Variants in NPTN observed in about 807,000 individuals in gnomAD.
The protein encoded by NPTN is SDR-1.
Under a neutral mutation model 42.7 loss-of-function variants are expected in NPTN, and 5 were observed. That is an observed-to-expected ratio of 0.12 (90% CI 0.06 to 0.25). The LOEUF (loss-of-function observed/expected upper bound fraction) is 0.25. Among genes scored for constraint, NPTN ranks in the 10% least tolerant of loss-of-function variants. The pLI is 1.00. For missense variants in NPTN, 307 were observed against 525.4 expected (o/e 0.58, Z 4.06); for synonymous variants, 180 against 201.9 (o/e 0.89, Z 0.92).
chr15:73,599,825 G>A (rs1229981585), intron 1 of NPTN, among the ~76,000 whole-genome samples: 1 of 152,076 alleles, frequency 6.6e-6, no homozygotes, highest in African/African-American at 2.4e-5. Flanking sequence ...CATTATCTGT[G>A]AACTTGGGGA....
At chr15:73,586,333 A>G (rs1896318123) in intron 4 of NPTN, among the ~76,000 whole-genome samples, 1 of 152,240 alleles carries the variant, frequency 6.6e-6, no homozygotes, top group Non-Finnish European at 1.5e-5. Flanking sequence ...GCATTCTTCT[A>G]AAATGGGTAG....
intron 4 of NPTN, among the ~76,000 whole-genome samples, chr15:73,580,325 G>A (rs895928222): frequency 2.0e-5 from 3 of 148,558 alleles, no homozygotes; most frequent in African/African-American, 5.0e-5. Context: ...CATGGCACAA[G>A]TATACCTATG....
chr15:73,583,229 C>A (rs1202742263), intron 4 of NPTN, among the ~76,000 whole-genome samples: 1 of 152,176 alleles, frequency 6.6e-6, no homozygotes, highest in African/African-American at 2.4e-5. Context: ...TGTTTAATGG[C>A]AGGACCACGA....
At chr15:73,630,986 A>C (rs1898707406) in intron 1 of NPTN, among the ~76,000 whole-genome samples, 1 of 152,238 alleles carries the variant, frequency 6.6e-6, no homozygotes, top group African/African-American at 2.4e-5. Context: ...GCTTCATTTC[A>C]TCGGTCATGT....
rs767522091 is a variant in NPTN, at chr15:73,633,211, G to A, written c.5C>T (p.Ser2Leu). M[S>L]GSSLPSALAL... ...CAGGGCGCTGGGCAGCGACGAACCC[G>A]ACATCCTCCCTAGCAGAAGACCCAA... The change falls in exon 1 of 9, where the codon TCG becomes TTG. Residue 2 changes from serine (S) to leucine (L), a missense_variant. Physicochemically the swap from Ser to Leu is moderately radical, Grantham distance 145. This residue lies in a region of NPTN where 43 missense variants were observed against 34.3 expected (regional missense o/e 1.25). Transcript: ENST00000345330. 3.3e-6 allele frequency: 5 copies of A among 1,521,378 alleles called. No individual in the cohort carries two copies. The highest frequency in any genetic ancestry group is 5.5e-5 in the East Asian group (2 of 36,480). The allele number at this position is 1,521,378 out of a possible 1,614,324, so 94.2% of individuals were successfully genotyped here. A position where few individuals can be genotyped will look rare whatever the true frequency, so the allele number is the denominator to read the frequency against.
At chr15:73,587,429 G>T in intron 4 of NPTN, 95 bp downstream of exon 4, 1 of 860,008 alleles carries the variant, frequency 1.2e-6, no homozygotes, top group Non-Finnish European at 1.9e-6. Context: ...TCTCGACATG[G>T]AAAGAAGAGG....
chr15:73,582,635 G>A (rs1190055881), intron 4 of NPTN, among the ~76,000 whole-genome samples: 3 of 152,146 alleles, frequency 2.0e-5, no homozygotes, highest in Non-Finnish European at 4.4e-5. Flanking sequence ...CCGAGCCACA[G>A]TTCATATGAA....
intron 1 of NPTN, among the ~76,000 whole-genome samples, chr15:73,601,283 CA>C (rs572106691): frequency 0.01 from 1,542 of 151,540 alleles, 31 homozygotes; most frequent in African/African-American, 0.036. Context: ...GAACACTCAT[CA>C]AAAACCATGA....
Position 73,560,999 on chromosome 15 carries a change from C to T in NPTN, c.*64G>A, listed in dbSNP as rs1894626692. The T allele has an allele frequency of 6.6e-6, 1 of 152,598 alleles. No individual in the cohort carries two copies. The highest frequency in any genetic ancestry group is 1.5e-5 in the Non-Finnish European group (1 of 68,046). 9.5% of individuals were successfully genotyped at this position (152,598 alleles called of 1,614,324 possible). A position where few individuals can be genotyped will look rare whatever the true frequency, so the allele number is the denominator to read the frequency against. On this transcript the variant is annotated 3_prime_UTR_variant, in exon 9 of 9. Transcript: ENST00000345330. ...GGGGAGAGAACCAAAGAGGTCCAAG[C>T]AGAAAATTTTAGCAGGTCATGTTGC...
chr15:73,560,043 A>C lies in NPTN; in HGVS notation c.*1020T>G, dbSNP rs2141341935. 1.1e-6 allele frequency: 1 copy of C among 897,520 alleles called. No individual in the cohort carries two copies. Among genetic ancestry groups the C allele is most frequent in the East Asian group, 3.1e-5 (1 of 32,122 alleles). 55.6% of individuals were successfully genotyped at this position (897,520 alleles called of 1,614,324 possible). ...TTTTATCAATGTTTTATTTTTAAAA[A>C]CAGGTGAATCCACTTTTTTATACAT... On this transcript the variant is annotated 3_prime_UTR_variant, in exon 9 of 9. Transcript: ENST00000345330.
chr15:73,562,391 T>C (rs2141345518), intron 7 of NPTN, among the ~76,000 whole-genome samples: 1 of 152,344 alleles, frequency 6.6e-6, no homozygotes, highest in South Asian at 2.1e-4. Flanking sequence ...CATTTTATCC[T>C]CCTTTTGACC....
chr15:73,580,577 G>A (rs1895985092), intron 4 of NPTN, among the ~76,000 whole-genome samples: 1 of 118,616 alleles, frequency 8.4e-6, no homozygotes, highest in African/African-American at 3.3e-5. Flanking sequence ...TGTTATATAT[G>A]TATATACATG....
chr15:73,632,916 C>A (rs909789897), intron 1 of NPTN: 1 of 417,632 alleles, frequency 2.4e-6, no homozygotes, highest in Non-Finnish European at 4.2e-6. Context: ...TCACCCCGGA[C>A]GCCCCCGCCG....
chr15:73,587,943 C>CAATATATCTG (rs1212075836), intron 3 of NPTN, among the ~76,000 whole-genome samples: 1 of 152,086 alleles, frequency 6.6e-6, no homozygotes, highest in Non-Finnish European at 1.5e-5. Context: ...TTCAGATATA[C>CAATATATCTG]AATATAAAAC....
intron 6 of NPTN, chr15:73,568,332 A>C: frequency 1.0e-6 from 1 of 985,464 alleles, no homozygotes; most frequent in East Asian, 1.1e-4. Flanking sequence ...TCAGGTTCTG[A>C]AGTCCATCTC....
intron 1 of NPTN, among the ~76,000 whole-genome samples, chr15:73,616,982 T>G (rs927419763): frequency 6.6e-6 from 1 of 152,210 alleles, no homozygotes; most frequent in African/African-American, 2.4e-5. Context: ...AGTAGGCCAA[T>G]TTCAATATCA....
At chr15:73,591,840 G>T in intron 3 of NPTN, 126 bp downstream of exon 3, 1 of 833,836 alleles carries the variant, frequency 1.2e-6, no homozygotes. Context: ...TACTGGATTG[G>T]ACTCTCAAAG....
chr15:73,568,121 T>A (rs1161259420), intron 6 of NPTN: 1 of 985,468 alleles, frequency 1.0e-6, no homozygotes, highest in Non-Finnish European at 1.2e-6. Flanking sequence ...AAAAAAGAGC[T>A]GCTTCCCTGG....
Position 73,633,331 on chromosome 15 carries a change from G to T in NPTN, c.-116C>A. On this transcript the variant is annotated 5_prime_UTR_variant, in exon 1 of 9. The change creates a new upstream start codon in the 5' untranslated region. Transcript: ENST00000345330. ...CGCGAGGGAGTGAGCGAGGGAGGCA[G>T]CCGCGGCTCGGCTCCGTCCTTCCCC... 1.3e-6 allele frequency: 1 copy of T among 750,174 alleles called. No homozygotes were observed. The highest frequency in any genetic ancestry group is 2.0e-6 in the Non-Finnish European group (1 of 504,660). 46.5% of individuals were successfully genotyped at this position (750,174 alleles called of 1,614,324 possible).
Sources: allele counts gnomAD v4.1 joint callset (sites outside exome capture counted in the v4.1 genomes callset), GRCh38; gene constraint gnomAD v4.1.1; regional missense constraint gnomAD v4.1.1; transcripts MANE v1.5; gene names NCBI Gene and HGNC (gene_info 2026-07-23, HGNC 2026-07-21).